Variants in NAALADL2 observed in about 807,000 individuals in gnomAD.
The protein encoded by NAALADL2 is inactive N-acetylated-alpha-linked acidic dipeptidase-like protein 2.
NAALADL2 carries 76 observed loss-of-function variants against 87.2 expected under a neutral mutation model. That is an observed-to-expected ratio of 0.87 (90% CI 0.72 to 1.05). The LOEUF (loss-of-function observed/expected upper bound fraction) is 1.05, where lower values mean the gene tolerates loss of function less well. Among genes scored for constraint, NAALADL2 ranks in the 50% least tolerant of loss-of-function variants. The pLI, the probability that NAALADL2 is intolerant of heterozygous loss-of-function variation, is 0.00. For synonymous variants in NAALADL2, 354 were observed against 331.0 expected (o/e 1.07, Z -0.75); for missense variants, 1,089 against 945.8 (o/e 1.15, Z -1.99).
At chr3:175,435,915 A>G (rs1198716710) in intron 5 of NAALADL2, among the ~76,000 whole-genome samples, 1 of 148,802 alleles carries the variant, frequency 6.7e-6, no homozygotes, top group Admixed American at 6.7e-5. Flanking sequence ...TTAGTTACAT[A>G]TGTATACATG....
intron 5 of NAALADL2, among the ~76,000 whole-genome samples, chr3:175,404,948 C>A (rs1397027065): frequency 1.3e-5 from 2 of 152,074 alleles, no homozygotes; most frequent in African/African-American, 4.8e-5. Context: ...ATTTTATTAT[C>A]TTTCTTATAA....
intron 2 of NAALADL2, among the ~76,000 whole-genome samples, chr3:175,135,326 A>G (rs1359446425): frequency 6.6e-6 from 1 of 152,182 alleles, no homozygotes; most frequent in African/African-American, 2.4e-5. Flanking sequence ...TTGTGTTGGG[A>G]AGATGAATGA....
At chr3:174,611,150 C>T (rs950519412) in intron 2 of NAALADL2, among the ~76,000 whole-genome samples, 1 of 119,296 alleles carries the variant, frequency 8.4e-6, no homozygotes, top group Admixed American at 1.1e-4. Flanking sequence ...GAACATCATA[C>T]TCTGGGGACT....
At chr3:174,519,379 A>G (rs532466622) in intron 1 of NAALADL2, among the ~76,000 whole-genome samples, 1 of 140,746 alleles carries the variant, frequency 7.1e-6, no homozygotes, top group East Asian at 2.1e-4. Context: ...CCCAGGCTGG[A>G]GTGCAGTGGT....
chr3:175,747,431 T>C (rs371877694), intron 12 of NAALADL2, among the ~76,000 whole-genome samples: 2 of 152,202 alleles, frequency 1.3e-5, no homozygotes, highest in East Asian at 3.9e-4. Context: ...TATTCTATTG[T>C]AACATTTTTT....
chr3:174,732,659 G>T (rs1156601113), intron 2 of NAALADL2, among the ~76,000 whole-genome samples: 2 of 152,062 alleles, frequency 1.3e-5, no homozygotes, highest in Non-Finnish European at 2.9e-5. Context: ...GGGTTTTCAA[G>T]AAATGTTTAA....
chr3:174,507,159 A>G (rs1578047077), intron 1 of NAALADL2, among the ~76,000 whole-genome samples: 1 of 152,066 alleles, frequency 6.6e-6, no homozygotes, highest in East Asian at 1.9e-4. Context: ...TTCTATAAGG[A>G]ATTTATTCTT....
At chr3:175,482,016 A>G (rs1209576437) in intron 9 of NAALADL2, among the ~76,000 whole-genome samples, 1 of 151,860 alleles carries the variant, frequency 6.6e-6, no homozygotes, top group Non-Finnish European at 1.5e-5. Flanking sequence ...ATGCCTAGAG[A>G]CACAAAAACT....
intron 1 of NAALADL2, among the ~76,000 whole-genome samples, chr3:175,056,501 T>TCAA (rs1712211059): frequency 6.6e-6 from 1 of 152,092 alleles, no homozygotes; most frequent in Non-Finnish European, 1.5e-5. Context: ...CACGTATGGG[T>TCAA]GCCACTTGCC....
intron 3 of NAALADL2, among the ~76,000 whole-genome samples, chr3:174,840,731 T>A (rs1479697832): frequency 6.6e-6 from 1 of 152,152 alleles, no homozygotes; most frequent in Middle Eastern, 3.2e-3. Context: ...TTATGTCTCT[T>A]TCTTCATTTG....
Position 175,093,008 on chromosome 3 carries a change from C to T in NAALADL2, c.44-3782C>T, listed in dbSNP as rs143952439. Among the ~76,000 whole-genome samples the T allele has an allele frequency of 7.3e-3, 1,115 of 151,870 alleles. 12 individuals are homozygous for T. The highest frequency in any genetic ancestry group is 0.026 in the African/African-American group (1,059 of 41,488). ...ACAAGTTTCTATAAATTCCTCTATA[C>T]TAAAGTATATCTCTTTTAGATAATT... On this transcript the variant is annotated intron_variant, in intron 1 of 13. Coordinates refer to ENST00000454872, the MANE Select transcript of NAALADL2 (RefSeq NM_207015.3).
chr3:174,536,088 G>A (rs1721696319), intron 1 of NAALADL2, among the ~76,000 whole-genome samples: 1 of 152,050 alleles, frequency 6.6e-6, no homozygotes, highest in Non-Finnish European at 1.5e-5. Context: ...GCAGCTTAAA[G>A]TATACTCCCA....
intron 3 of NAALADL2, among the ~76,000 whole-genome samples, chr3:174,818,227 C>A (rs1721011879): frequency 6.6e-6 from 1 of 152,146 alleles, no homozygotes; most frequent in South Asian, 2.1e-4. Flanking sequence ...ATAGGGGGGA[C>A]AGGTGCCATT....
At chr3:174,797,406 G>T (rs1371180021) in intron 3 of NAALADL2, among the ~76,000 whole-genome samples, 1 of 142,726 alleles carries the variant, frequency 7.0e-6, no homozygotes, top group Non-Finnish European at 1.5e-5. Flanking sequence ...CTGCCTCCCG[G>T]GTTCAAGCGA....
intron 10 of NAALADL2, among the ~76,000 whole-genome samples, chr3:175,583,362 T>C (rs1720069862): frequency 6.6e-6 from 1 of 152,162 alleles, no homozygotes; most frequent in Non-Finnish European, 1.5e-5. Flanking sequence ...TGTCTGTATA[T>C]GCCCTTTGCA....
intron 11 of NAALADL2, among the ~76,000 whole-genome samples, chr3:175,727,744 A>G (rs1034886866): frequency 1.6e-4 from 24 of 152,144 alleles, no homozygotes; most frequent in African/African-American, 4.8e-4. Context: ...TCCTCCAACT[A>G]TTGGCCTTCA....
chr3:175,003,334 G>A (rs141842563), intron 1 of NAALADL2, among the ~76,000 whole-genome samples: 179 of 152,194 alleles, frequency 1.2e-3, no homozygotes, highest in African/African-American at 4.1e-3. Context: ...CCTGAGTTGT[G>A]TGGTGAGACC....
At chr3:174,807,810 G>T (rs1719677584) in intron 3 of NAALADL2, among the ~76,000 whole-genome samples, 1 of 151,826 alleles carries the variant, frequency 6.6e-6, no homozygotes, top group Non-Finnish European at 1.5e-5. Flanking sequence ...AAAAAGGAAG[G>T]AGAGTTACAT....
intron 13 of NAALADL2, among the ~76,000 whole-genome samples, chr3:175,772,655 G>T (rs575067163): frequency 2.0e-5 from 3 of 152,158 alleles, no homozygotes; most frequent in Non-Finnish European, 4.4e-5. Context: ...ACAGGGTTCC[G>T]TCTTTGATCT....
Sources: gnomAD v4.1 joint callset for allele counts (sites outside exome capture counted in the v4.1 genomes callset) on GRCh38, gnomAD v4.1.1 for gene constraint, MANE v1.5 for transcripts, NCBI Gene and HGNC (gene_info 2026-07-23, HGNC 2026-07-21) for gene names.